The following NCK2 variants were observed in gnomAD, a reference collection of about 807,000 sequenced individuals.
NCK2 encodes NCK adaptor protein 2.
In NCK2, 16 loss-of-function variants were observed where a neutral mutation model predicts 33.9. The observed-to-expected ratio is 0.47, with a 90% CI of 0.32 to 0.72. The LOEUF is 0.72. NCK2 is among the 30% of genes least tolerant of loss of function. NCK2 has a pLI of 0.03. For missense variants in NCK2, 418 were observed against 537.3 expected, an observed-to-expected ratio of 0.78 and a Z score of 2.19; for synonymous variants, 273 against 239.9, an observed-to-expected ratio of 1.14 and a Z score of -1.27.
At chr2:105,844,443 G>T (rs1036598496) in intron 2 of NCK2, among the ~76,000 whole-genome samples, 30 of 151,848 alleles carry the variant, frequency 2.0e-4, no homozygotes, top group African/African-American at 6.8e-4. Flanking sequence ...ATATTTTTGG[G>T]CCAGGCATGG....
chr2:105,784,959 T>G (rs961745929), intron 1 of NCK2, among the ~76,000 whole-genome samples: 2 of 152,164 alleles, frequency 1.3e-5, no homozygotes, highest in East Asian at 1.9e-4. Flanking sequence ...TTTTGTGTGT[T>G]TTTTCGTTTT....
intron 1 of NCK2, among the ~76,000 whole-genome samples, chr2:105,748,224 T>C (rs1245463103): frequency 6.6e-6 from 1 of 152,204 alleles, no homozygotes; most frequent in African/African-American, 2.4e-5. Context: ...CTCAGTCTCC[T>C]CCGTGTCCTG....
intron 1 of NCK2, among the ~76,000 whole-genome samples, chr2:105,800,441 T>C (rs1412557737): frequency 6.6e-6 from 1 of 152,208 alleles, no homozygotes; most frequent in Non-Finnish European, 1.5e-5. Context: ...CTTTCCTCTT[T>C]AGAGCATGAA....
At chr2:105,888,049 G>A (rs1306639801) in intron 4 of NCK2, among the ~76,000 whole-genome samples, 1 of 152,218 alleles carries the variant, frequency 6.6e-6, no homozygotes, top group East Asian at 1.9e-4. Flanking sequence ...GGGATGTGGA[G>A]CTAAATAGGG....
intron 3 of NCK2, among the ~76,000 whole-genome samples, chr2:105,870,188 A>T (rs1185633789): frequency 6.6e-6 from 1 of 152,258 alleles, no homozygotes; most frequent in Non-Finnish European, 1.5e-5. Flanking sequence ...GTGAGACCAC[A>T]GTGCCACGGG....
chr2:105,745,443 G>T (rs1374990965), intron 1 of NCK2, among the ~76,000 whole-genome samples: 1 of 151,926 alleles, frequency 6.6e-6, no homozygotes, highest in East Asian at 1.9e-4. Flanking sequence ...AGGGCAGGGG[G>T]CCCGGCTGCG....
intron 4 of NCK2, among the ~76,000 whole-genome samples, chr2:105,884,532 T>G (rs1381790343): frequency 4.0e-5 from 6 of 151,750 alleles, no homozygotes; most frequent in Non-Finnish European, 5.9e-5. Flanking sequence ...AGCACAGCTG[T>G]TTTTTTTGGA....
intron 2 of NCK2, among the ~76,000 whole-genome samples, chr2:105,845,479 C>T (rs56105127): frequency 0.2 from 29,965 of 151,644 alleles, 3,628 homozygotes; most frequent in East Asian, 0.32. Context: ...CTGCATCCTC[C>T]GCCTCTTGAG....
At chr2:105,759,028 GTTAA>G (rs1455000928) in intron 1 of NCK2, among the ~76,000 whole-genome samples, 2 of 152,144 alleles carry the variant, frequency 1.3e-5, no homozygotes, top group African/African-American at 4.8e-5. Flanking sequence ...ATTTACTATA[GTTAA>G]TTAGTGATAG....
chr2:105,872,271 G>A (rs1379749916), intron 3 of NCK2, among the ~76,000 whole-genome samples: 2 of 152,136 alleles, frequency 1.3e-5, no homozygotes, highest in East Asian at 1.9e-4. Flanking sequence ...GCTGTCACCC[G>A]CTACCTTCCC....
At chr2:105,855,715 G>T (rs1677233916) in intron 3 of NCK2, 2 of 159,068 alleles carry the variant, frequency 1.3e-5, no homozygotes, top group Admixed American at 1.2e-4. Flanking sequence ...TCTCTGAAAT[G>T]GATGCTACAT....
intron 1 of NCK2, among the ~76,000 whole-genome samples, chr2:105,751,179 T>G (rs1689442469): frequency 3.3e-5 from 5 of 152,224 alleles, no homozygotes; most frequent in Admixed American, 3.3e-4. Context: ...CATTTGCAGC[T>G]TCTCCTGCAA....
chr2:105,871,557 G>T (rs1414160475), intron 3 of NCK2, among the ~76,000 whole-genome samples: 1 of 151,650 alleles, frequency 6.6e-6, no homozygotes, highest in Non-Finnish European at 1.5e-5. Context: ...GTGCAGTGGC[G>T]CGATCTCGGC....
At chr2:105,819,745 G>T (rs1385214993) in intron 2 of NCK2, among the ~76,000 whole-genome samples, 1 of 152,208 alleles carries the variant, frequency 6.6e-6, no homozygotes, top group East Asian at 1.9e-4. Context: ...TATTTCATAA[G>T]TTTATAAGTT....
intron 1 of NCK2, among the ~76,000 whole-genome samples, chr2:105,781,099 TG>T (rs1240490985): frequency 1.3e-5 from 2 of 152,256 alleles, no homozygotes; most frequent in Admixed American, 6.5e-5. Flanking sequence ...ATTCCGGGGT[TG>T]GCTTTCAAAG....
At position 105,836,324 on chromosome 2, in the gene NCK2, G is replaced by A. The variant is rs190122038; in HGVS notation, c.-16-18724G>A. 4.0e-4 allele frequency among the ~76,000 whole-genome samples: 61 copies of A among 152,018 alleles called. No homozygotes were observed. In the East Asian group the frequency reaches 0.011, roughly 27 times the overall value. On this transcript the variant is annotated intron_variant, in intron 2 of 4. Coordinates refer to ENST00000233154, the MANE Select transcript of NCK2 (RefSeq NM_003581.5). Reference sequence around the variant, plus strand: ...TAGTATCATTTGGGTAGGATGCTTTGGGTTTGATTCTGGGTGAGCGTAAAA... The same window carrying A: ...TAGTATCATTTGGGTAGGATGCTTTAGGTTTGATTCTGGGTGAGCGTAAAA...
chr2:105,765,617 C>T (rs1020654235), intron 1 of NCK2, among the ~76,000 whole-genome samples: 1 of 150,412 alleles, frequency 6.6e-6, no homozygotes, highest in African/African-American at 2.4e-5. Context: ...GCTGGATTAT[C>T]GTATTTTTGG....
intron 1 of NCK2, among the ~76,000 whole-genome samples, chr2:105,746,248 G>C (rs375745324): frequency 6.6e-6 from 1 of 152,180 alleles, no homozygotes; most frequent in East Asian, 1.9e-4. Context: ...GGCAGGAGGG[G>C]GCCTAAAATA....
At chr2:105,889,250 T>A (rs890318084) in intron 4 of NCK2, among the ~76,000 whole-genome samples, 15 of 152,212 alleles carry the variant, frequency 9.9e-5, no homozygotes, top group African/African-American at 3.4e-4. Flanking sequence ...GGAAATTCCC[T>A]ATGAGAGATG....
Sources: gnomAD v4.1 joint callset for allele counts (sites outside exome capture counted in the v4.1 genomes callset) on GRCh38, gnomAD v4.1.1 for gene constraint, MANE v1.5 for transcripts, NCBI Gene and HGNC (gene_info 2026-07-23, HGNC 2026-07-21) for gene names.